CACFD1: variants seen among roughly 807,000 people sequenced by gnomAD.
CACFD1 encodes calcium channel flower homolog.
CACFD1 carries 26 observed loss-of-function variants against 21.3 expected under a neutral mutation model. That is an observed-to-expected ratio of 1.22 (90% CI 0.89 to 1.69). CACFD1 has a LOEUF of 1.69. CACFD1 is among the 40% of genes most tolerant of loss of function. CACFD1 has a pLI of 0.00. For synonymous variants in CACFD1, 121 were observed against 106.6 expected (o/e 1.13, Z -0.83); for missense variants, 265 against 236.2 (o/e 1.12, Z -0.80).
chr9:133,467,843 G>C (rs1843498652), intron 3 of CACFD1, 78 bp from the exon 4 acceptor site: 1 of 1,058,794 alleles, frequency 9.4e-7, no homozygotes, highest in African/African-American at 1.6e-5. Context: ...GAAGGATGCT[G>C]GGCCGAGTCT....
intron 3 of CACFD1, among the ~76,000 whole-genome samples, chr9:133,467,245 C>T (rs1346737540): frequency 6.6e-6 from 1 of 152,180 alleles, no homozygotes; most frequent in African/African-American, 2.4e-5. Flanking sequence ...TTGCTGCTGG[C>T]CTGGAAATTC....
chr9:133,461,860 TC>T (rs1371174485), intron 1 of CACFD1: 1 of 985,354 alleles, frequency 1.0e-6, no homozygotes, highest in Non-Finnish European at 1.2e-6. Context: ...CGGCAGGAGT[TC>T]AGACAAGGGT....
At chr9:133,460,694 A>C (rs905003942) in intron 1 of CACFD1, among the ~76,000 whole-genome samples, 14 of 152,100 alleles carry the variant, frequency 9.2e-5, no homozygotes, top group Non-Finnish European at 1.5e-5. Context: ...GGCTGGCTAG[A>C]TTTCTGGCAG....
intron 3 of CACFD1, among the ~76,000 whole-genome samples, chr9:133,467,002 G>T (rs1389484181): frequency 6.6e-6 from 1 of 152,110 alleles, no homozygotes; most frequent in Non-Finnish European, 1.5e-5. Flanking sequence ...TTGTCAGAAG[G>T]TTCCCCGCCG....
chr9:133,470,147 C>T lies in CACFD1; in HGVS notation c.*1494C>T, dbSNP rs899121415. On this transcript the variant is annotated 3_prime_UTR_variant, in exon 5 of 5. Coordinates refer to ENST00000316948, the MANE Select transcript of CACFD1 (RefSeq NM_017586.5). ...TGGTGGACATGTGCCTTCAGGGTTC[C>T]TCCGGGGCCACCTTCCTCAGGCCAG... 1.3e-5 allele frequency: 2 copies of T among 153,106 alleles called. No homozygotes were observed. Among genetic ancestry groups the T allele is most frequent in the African/African-American group, 2.4e-5 (1 of 41,424 alleles). The allele number at this position is 153,106 out of a possible 1,614,324, so 9.5% of individuals were successfully genotyped here.
At chr9:133,467,280 G>A (rs782105944) in intron 3 of CACFD1, among the ~76,000 whole-genome samples, 14 of 152,160 alleles carry the variant, frequency 9.2e-5, no homozygotes, top group African/African-American at 1.4e-4. Flanking sequence ...AATCAGCCCC[G>A]GGGACGCTTA....
intron 3 of CACFD1, among the ~76,000 whole-genome samples, chr9:133,467,574 A>G (rs1554799779): frequency 1.3e-5 from 2 of 152,208 alleles, no homozygotes; most frequent in Non-Finnish European, 2.9e-5. Context: ...CCGCGAAGCT[A>G]GTAGGTCCTG....
chr9:133,461,932 A>T (rs587625716), intron 1 of CACFD1: 1 of 985,348 alleles, frequency 1.0e-6, no homozygotes, highest in Admixed American at 6.1e-5. Context: ...GATCAGAGAG[A>T]GTACCTGGAG....
chr9:133,464,228 C>T (rs1843338207), intron 2 of CACFD1, among the ~76,000 whole-genome samples: 1 of 152,160 alleles, frequency 6.6e-6, no homozygotes, highest in Non-Finnish European at 1.5e-5. Flanking sequence ...TTGAGGGGTA[C>T]AGAGCTAGAC....
At chr9:133,460,310 G>A (rs1031356373) in intron 1 of CACFD1, 123 bp downstream of exon 1, 40 of 926,358 alleles carry the variant, frequency 4.3e-5, no homozygotes, top group Admixed American at 8.7e-5. Context: ...GGTCTGCCGG[G>A]CGCCTCCCGG....
In CACFD1 at chr9:133,467,981, C is replaced by G; in HGVS notation, c.381C>G (p.Ile127Met). ...TGACCACGCTGCTGGGCAACGCCATCGCCTTTGCTACGGGGGTGCTGTACG... is the reference window on the plus strand; with the variant it reads ...TGACCACGCTGCTGGGCAACGCCATGGCCTTTGCTACGGGGGTGCTGTACG... ...LTLTTLLGNA[I>M]AFATGVLYGL... The change falls in exon 4 of 5, where the codon ATC (isoleucine) becomes ATG (methionine). Residue 127 changes from isoleucine to methionine, a missense_variant. Transcript: ENST00000316948. 6.2e-7 allele frequency: 1 copy of G among 1,613,966 alleles called. No homozygotes were observed. Among genetic ancestry groups the G allele is most frequent in the Non-Finnish European group, 8.5e-7 (1 of 1,180,016 alleles).
chr9:133,463,751 C>G lies in CACFD1; in HGVS notation c.194+196C>G, dbSNP rs587715317. On this transcript the variant is annotated intron_variant, in intron 2 of 4. Coordinates refer to ENST00000316948, the MANE Select transcript of CACFD1 (RefSeq NM_017586.5). The stretch of plus-strand genomic sequence containing the variant: ...TGCGGCTTCTTCCCCTTCATACCCC[C>G]ACCATGTTTAGTTTCCTAATGAGAG... 3.9e-5 allele frequency among the ~76,000 whole-genome samples: 6 copies of G among 152,354 alleles called. No homozygotes were observed. In the South Asian group the frequency reaches 1.2e-3, roughly 32 times the overall value.
Position 133,460,264 on chromosome 9 carries a change from G to A in CACFD1, c.121+77G>A, listed in dbSNP as rs980133652. On this transcript the variant is annotated intron_variant, in intron 1 of 4. Transcript: ENST00000316948. Reference sequence around the variant, plus strand: ...GCCCTGCCCTGCCCCGCCCCGCCCCGGCGGCCCCAGGGGAAAGGACCCGCT... The same window carrying A: ...GCCCTGCCCTGCCCCGCCCCGCCCCAGCGGCCCCAGGGGAAAGGACCCGCT... The A allele has an allele frequency of 2.6e-5, 34 of 1,331,428 alleles. No individual in the cohort carries two copies. In the Admixed American group the frequency reaches 8.1e-4, roughly 32 times the overall value. 82.5% of individuals were successfully genotyped at this position (1,331,428 alleles called of 1,614,324 possible).
intron 3 of CACFD1, among the ~76,000 whole-genome samples, chr9:133,467,530 C>T (rs1843486506): frequency 6.6e-6 from 1 of 152,220 alleles, no homozygotes; most frequent in Non-Finnish European, 1.5e-5. Flanking sequence ...AAGCTTTGAT[C>T]CCCTCTCCGC....
chr9:133,467,791 C>A (rs1326262656), intron 3 of CACFD1, 130 bp from the exon 4 acceptor site: 17 of 651,226 alleles, frequency 2.6e-5, no homozygotes, highest in Non-Finnish European at 3.9e-5. Context: ...AGCTGTGTCT[C>A]AGTTGATTTT....
At chr9:133,460,529 C>T (rs1843152532) in intron 1 of CACFD1, among the ~76,000 whole-genome samples, 1 of 114,706 alleles carries the variant, frequency 8.7e-6, no homozygotes, top group African/African-American at 2.8e-5. Context: ...TCCCCCCGCT[C>T]CCCAGGGGCT....
rs1843385028 is a variant in CACFD1, at chr9:133,465,209, A to T, written c.195-113A>T. 7.9e-7 allele frequency: 1 copy of T among 1,264,216 alleles called. No homozygotes were observed. The highest frequency in any genetic ancestry group is 1.2e-5 in the South Asian group (1 of 82,592). 78.3% of individuals were successfully genotyped at this position (1,264,216 alleles called of 1,614,324 possible). A position where few individuals can be genotyped will look rare whatever the true frequency, so the allele number is the denominator to read the frequency against. On this transcript the variant is annotated intron_variant, in intron 2 of 4. Coordinates refer to ENST00000316948, the MANE Select transcript of CACFD1 (RefSeq NM_017586.5). The surrounding 1 kb of genome is among the most constrained non-coding windows in gnomAD (Gnocchi z 5.0). ...CGGGCGGCTTCCCAGAGGAGGAGGG[A>T]TGAGGGCAGGAGGGTGAGGGAGGTG...
intron 3 of CACFD1, among the ~76,000 whole-genome samples, chr9:133,467,244 G>T (rs2131001475): frequency 6.6e-6 from 1 of 152,306 alleles, no homozygotes; most frequent in Admixed American, 6.5e-5. Context: ...ATTGCTGCTG[G>T]CCTGGAAATT....
chr9:133,466,891 T>C (rs1446376243), intron 3 of CACFD1, among the ~76,000 whole-genome samples: 1 of 152,242 alleles, frequency 6.6e-6, no homozygotes, highest in East Asian at 1.9e-4. Context: ...AGTGTTCTGC[T>C]TAGCAAGTTC....
Sources: gnomAD v4.1 joint callset for allele counts (sites outside exome capture counted in the v4.1 genomes callset) on GRCh38, gnomAD v4.1.1 for gene constraint, Gnocchi (gnomAD v3.1) non-coding constraint, MANE v1.5 for transcripts, NCBI Gene and HGNC (gene_info 2026-07-23, HGNC 2026-07-21) for gene names.